Variants in RAPGEF2 observed in about 807,000 individuals in gnomAD.
RAPGEF2 encodes PDZ domain containing guanine nucleotide exchange factor (GEF) 1.
RAPGEF2 carries 54 observed loss-of-function variants against 186.7 expected under a neutral mutation model. The observed-to-expected ratio is 0.29, with a 90% CI of 0.23 to 0.36. The LOEUF (loss-of-function observed/expected upper bound fraction) is 0.36, where lower values mean the gene tolerates loss of function less well. RAPGEF2 is among the 10% of genes least tolerant of loss of function. RAPGEF2 has a pLI of 1.00. For synonymous variants in RAPGEF2, 712 were observed against 705.9 expected (o/e 1.01, Z -0.14); for missense variants, 1,532 against 2,045.0 (o/e 0.75, Z 4.84).
At chr4:159,116,575 A>G (rs893931648) in intron 1 of RAPGEF2, among the ~76,000 whole-genome samples, 4 of 152,232 alleles carry the variant, frequency 2.6e-5, no homozygotes, top group African/African-American at 9.6e-5. Context: ...ACCCAAAGGA[A>G]TATAAATAAT....
At chr4:159,238,786 AT>A (rs527330122) in intron 4 of RAPGEF2, 22 bp from the exon 5 acceptor site, 696 of 1,403,304 alleles carry the variant, frequency 5.0e-4, no homozygotes, top group South Asian at 1.5e-3. Context: ...CTCCTCATTG[AT>A]TTTTTTTTTC....
At position 159,335,367 on chromosome 4, in the gene RAPGEF2, T is replaced by C. The variant is rs1318568517; in HGVS notation, c.2135+2670T>C. Among the ~76,000 whole-genome samples the C allele has an allele frequency of 3.9e-5, 6 of 151,996 alleles. No individual in the cohort carries two copies. In the East Asian group the frequency reaches 7.7e-4, roughly 20 times the overall value. The stretch of plus-strand genomic sequence containing the variant: ...GACAATTTCAGTAACAAGGAAAGTG[T>C]TGGAGAGGTAGAATCCTAAGAGGAT... On this transcript the variant is annotated intron_variant, in intron 17 of 29. Coordinates refer to ENST00000691494, the MANE Select transcript of RAPGEF2 (RefSeq NM_001394067.2).
At chr4:159,114,345 G>A (rs150548838) in intron 1 of RAPGEF2, among the ~76,000 whole-genome samples, 1 of 151,886 alleles carries the variant, frequency 6.6e-6, no homozygotes, top group Admixed American at 6.6e-5. Flanking sequence ...CTCGTGATCC[G>A]CCCACTGCAG....
intron 1 of RAPGEF2, among the ~76,000 whole-genome samples, chr4:159,157,634 C>T (rs151326120): frequency 3.9e-5 from 6 of 152,236 alleles, no homozygotes; most frequent in African/African-American, 9.6e-5. Flanking sequence ...CTGTAATCTT[C>T]GTATCTGTCT....
At chr4:159,104,401 A>G (rs535552837) in intron 1 of RAPGEF2, among the ~76,000 whole-genome samples, 170 bp downstream of exon 1, 1 of 148,898 alleles carries the variant, frequency 6.7e-6, no homozygotes, top group Admixed American at 6.7e-5. Context: ...TACTCCGCCT[A>G]TCCTGGTTTT....
chr4:159,231,455 C>A (rs570731728), intron 4 of RAPGEF2, among the ~76,000 whole-genome samples: 6 of 151,968 alleles, frequency 3.9e-5, no homozygotes, highest in Non-Finnish European at 8.8e-5. Context: ...ACAAAAGTTT[C>A]TCACATGAAT....
intron 1 of RAPGEF2, among the ~76,000 whole-genome samples, chr4:159,168,471 A>G (rs1017737046): frequency 2.0e-5 from 3 of 151,628 alleles, no homozygotes; most frequent in Admixed American, 6.6e-5. Flanking sequence ...GTTCATTGCA[A>G]AGGAGGCAGA....
At chr4:159,286,809 A>G (rs1760565947) in intron 7 of RAPGEF2, among the ~76,000 whole-genome samples, 2 of 152,188 alleles carry the variant, frequency 1.3e-5, no homozygotes, top group Non-Finnish European at 2.9e-5. Flanking sequence ...CTGTTACACC[A>G]TATTATTCTA....
chr4:159,327,068 AAC>A (rs1766023233), intron 11 of RAPGEF2: 2 of 152,380 alleles, frequency 1.3e-5, no homozygotes, highest in South Asian at 4.1e-4. Flanking sequence ...GAATGTAAGA[AAC>A]AGTTTTGGAT....
chr4:159,194,926 G>A (rs1215136615), intron 3 of RAPGEF2, among the ~76,000 whole-genome samples: 2 of 152,158 alleles, frequency 1.3e-5, no homozygotes, highest in African/African-American at 2.4e-5. Flanking sequence ...AGATCAGTAA[G>A]GAGACAGTTA....
chr4:159,164,773 C>T (rs993010478), intron 1 of RAPGEF2, among the ~76,000 whole-genome samples: 4 of 152,068 alleles, frequency 2.6e-5, no homozygotes, highest in Admixed American at 6.5e-5. Flanking sequence ...TGAGATGTGA[C>T]GTCGCTACAA....
chr4:159,122,249 G>A (rs1739775647), intron 1 of RAPGEF2, among the ~76,000 whole-genome samples: 1 of 151,990 alleles, frequency 6.6e-6, no homozygotes. Context: ...GGGAAGCTGA[G>A]GCAGGCGGAT....
At chr4:159,328,890 A>T (rs1766293321) in intron 11 of RAPGEF2, 1 of 152,162 alleles carries the variant, frequency 6.6e-6, no homozygotes, top group South Asian at 2.1e-4. Context: ...TCTTTTTTAA[A>T]AAATTAATAT....
chr4:159,148,615 G>C (rs941993290), intron 1 of RAPGEF2, among the ~76,000 whole-genome samples: 1 of 151,972 alleles, frequency 6.6e-6, no homozygotes, highest in African/African-American at 2.4e-5. Context: ...TATTTAAAAT[G>C]GATTTTCACT....
intron 1 of RAPGEF2, among the ~76,000 whole-genome samples, chr4:159,162,592 C>T (rs939494041): frequency 6.6e-6 from 1 of 152,090 alleles, no homozygotes; most frequent in African/African-American, 2.4e-5. Flanking sequence ...CAGTGTCTGC[C>T]AGCTATCAAA....
chr4:159,216,063 A>G (rs1367686762), intron 4 of RAPGEF2, among the ~76,000 whole-genome samples: 1 of 152,158 alleles, frequency 6.6e-6, no homozygotes, highest in African/African-American at 2.4e-5. Flanking sequence ...ATCAAAATTG[A>G]GGTTTGCTTC....
At chr4:159,252,503 A>G in intron 7 of RAPGEF2, among the ~76,000 whole-genome samples, 1 of 152,264 alleles carries the variant, frequency 6.6e-6, no homozygotes, top group Non-Finnish European at 1.5e-5. Flanking sequence ...AGAATACTTG[A>G]GCATCGTTGA....
At chr4:159,292,222 C>T (rs1579795168) in intron 7 of RAPGEF2, among the ~76,000 whole-genome samples, 1 of 152,208 alleles carries the variant, frequency 6.6e-6, no homozygotes, top group Admixed American at 6.5e-5. Context: ...CCCTGAATAT[C>T]TCTCTGCCCC....
intron 1 of RAPGEF2, among the ~76,000 whole-genome samples, chr4:159,169,332 A>G (rs758909100): frequency 1.3e-5 from 2 of 152,254 alleles, no homozygotes; most frequent in Non-Finnish European, 2.9e-5. Flanking sequence ...AAATTGATAC[A>G]TAAAAATTAT....
Sources: gnomAD v4.1 joint callset for allele counts (sites outside exome capture counted in the v4.1 genomes callset) on GRCh38, gnomAD v4.1.1 for gene constraint, MANE v1.5 for transcripts, NCBI Gene and HGNC (gene_info 2026-07-23, HGNC 2026-07-21) for gene names.